ROBO1: variants seen among roughly 807,000 people sequenced by gnomAD.
The protein encoded by ROBO1 is roundabout guidance receptor 1.
In ROBO1, 149 loss-of-function variants were observed where a neutral mutation model predicts 195.9. The observed-to-expected ratio is 0.76, with a 90% CI of 0.67 to 0.87. The LOEUF (loss-of-function observed/expected upper bound fraction) is 0.87. ROBO1 is among the 40% of genes least tolerant of loss of function. The pLI is 0.00. For missense variants in ROBO1, 1,933 were observed against 2,068.3 expected, an observed-to-expected ratio of 0.93 and a Z score of 1.27; for synonymous variants, 816 against 733.2, an observed-to-expected ratio of 1.11 and a Z score of -1.82.
At position 78,614,633 on chromosome 3, in the gene ROBO1, T is replaced by C; in HGVS notation, c.4435+15A>G. The stretch of plus-strand genomic sequence containing the variant: ...CGAGATTCATAGACGTTTTCATCCG[T>C]GTCAATGGACTCACCATCTGTGTAG... On this transcript the variant is annotated intron_variant, in intron 28 of 30. Coordinates refer to ENST00000464233, the MANE Select transcript of ROBO1 (RefSeq NM_002941.4). 2 of 1,612,902 alleles carry C rather than the reference T, an allele frequency of 1.2e-6. No individual in the cohort carries two copies. The highest frequency in any genetic ancestry group is 1.3e-5 in the African/African-American group (1 of 74,988).
At chr3:78,945,166 G>C (rs1560030951) in intron 3 of ROBO1, among the ~76,000 whole-genome samples, 1 of 152,168 alleles carries the variant, frequency 6.6e-6, no homozygotes, top group African/African-American at 2.4e-5. Context: ...GCTTTGAAGA[G>C]AGTAGTGGTT....
chr3:79,593,586 T>C (rs1177828582), intron 1 of ROBO1, among the ~76,000 whole-genome samples: 3 of 150,240 alleles, frequency 2.0e-5, no homozygotes, highest in East Asian at 1.9e-4. Context: ...TTTTTTCTCA[T>C]TGTTGAGTTT....
intron 1 of ROBO1, among the ~76,000 whole-genome samples, chr3:79,636,805 AC>A: frequency 6.6e-6 from 1 of 152,210 alleles, no homozygotes; most frequent in East Asian, 1.9e-4. Flanking sequence ...TACTGAAATG[AC>A]TTTTATGCAA....
intron 4 of ROBO1, among the ~76,000 whole-genome samples, chr3:78,863,827 C>G (rs2034999231): frequency 6.6e-6 from 1 of 152,282 alleles, no homozygotes; most frequent in East Asian, 1.9e-4. Flanking sequence ...AGAGTCCCTC[C>G]ACCGTCAAAA....
At chr3:79,232,554 T>A (rs1157066147) in intron 2 of ROBO1, among the ~76,000 whole-genome samples, 1 of 151,508 alleles carries the variant, frequency 6.6e-6, no homozygotes, top group Admixed American at 6.6e-5. Context: ...TAGGGCAAGA[T>A]TAAAGGAAAA....
chr3:79,391,887 T>C (rs1489334166), intron 2 of ROBO1, among the ~76,000 whole-genome samples: 3 of 152,212 alleles, frequency 2.0e-5, no homozygotes, highest in Admixed American at 1.3e-4. Context: ...AAATGAACTA[T>C]AGTTCCCAAA....
intron 2 of ROBO1, among the ~76,000 whole-genome samples, chr3:79,214,735 T>C (rs1368741729): frequency 6.8e-6 from 1 of 147,108 alleles, no homozygotes; most frequent in Admixed American, 6.8e-5. Flanking sequence ...ATATTTGCTA[T>C]ATATATATAT....
At chr3:78,656,886 C>T (rs1707060756) in intron 18 of ROBO1, among the ~76,000 whole-genome samples, 1 of 152,176 alleles carries the variant, frequency 6.6e-6, no homozygotes. Flanking sequence ...CATATATCTA[C>T]ATCTAGTCTG....
chr3:79,331,174 T>A (rs998997153), intron 2 of ROBO1, among the ~76,000 whole-genome samples: 4 of 152,238 alleles, frequency 2.6e-5, no homozygotes, highest in Non-Finnish European at 5.9e-5. Flanking sequence ...AGAAAATGAA[T>A]GCTTCAGCAT....
At chr3:79,642,908 C>T (rs1021664583) in intron 1 of ROBO1, among the ~76,000 whole-genome samples, 2 of 152,104 alleles carry the variant, frequency 1.3e-5, no homozygotes, top group Non-Finnish European at 2.9e-5. Context: ...ACTCATAACT[C>T]GTGAAGCCTG....
In ROBO1 at chr3:79,449,135, G is replaced by C. The variant is rs558938721; in HGVS notation, c.88+140689C>G. On this transcript the variant is annotated intron_variant, in intron 2 of 30. Coordinates refer to ENST00000464233, the MANE Select transcript of ROBO1 (RefSeq NM_002941.4). ...AATCCCAGATACTCAGGAAGATGAA[G>C]TGGGAGGCTTGCTTGAAGCCAAGGT... 1.1e-3 allele frequency among the ~76,000 whole-genome samples: 166 copies of C among 152,198 alleles called. 1 individual carries two copies. The highest frequency in any genetic ancestry group is 2.9e-3 in the South Asian group (14 of 4,820).
chr3:79,170,239 T>C (rs1343061366), intron 2 of ROBO1, among the ~76,000 whole-genome samples: 1 of 152,140 alleles, frequency 6.6e-6, no homozygotes, highest in East Asian at 1.9e-4. Flanking sequence ...TACTAATTAC[T>C]GATGAAATCA....
intron 2 of ROBO1, among the ~76,000 whole-genome samples, chr3:79,522,578 T>G (rs1369189939): frequency 6.6e-6 from 1 of 152,132 alleles, no homozygotes; most frequent in Non-Finnish European, 1.5e-5. Flanking sequence ...AGGAACCTCA[T>G]TTCATTACTT....
chr3:78,895,905 A>C lies in ROBO1; in HGVS notation c.499+42696T>G, dbSNP rs1219499520. Among the ~76,000 whole-genome samples the C allele has an allele frequency of 7.9e-5, 12 of 152,346 alleles. No homozygotes were observed. The South Asian group carries it at 2.5e-3, about 32-fold the overall frequency. On this transcript the variant is annotated intron_variant, in intron 4 of 30. Transcript: ENST00000464233. ...GACTCTCCTAGAAAATAAGAATTATACTTTTGTTGTACACTTAGAAGCAAT... is the reference window on the plus strand; with the variant it reads ...GACTCTCCTAGAAAATAAGAATTATCCTTTTGTTGTACACTTAGAAGCAAT...
intron 5 of ROBO1, among the ~76,000 whole-genome samples, chr3:78,736,569 G>A (rs2082397427): frequency 6.6e-6 from 1 of 152,142 alleles, no homozygotes; most frequent in Admixed American, 6.6e-5. Context: ...CACATGCCAA[G>A]ACTCTCATAT....
chr3:79,765,015 T>C (rs544845950), intron 1 of ROBO1, among the ~76,000 whole-genome samples: 3 of 152,142 alleles, frequency 2.0e-5, no homozygotes, highest in Non-Finnish European at 2.9e-5. Context: ...GCCCAGAAGA[T>C]GGTAACACTG....
chr3:79,646,639 C>T (rs890349282), intron 1 of ROBO1, among the ~76,000 whole-genome samples: 65 of 152,028 alleles, frequency 4.3e-4, no homozygotes, highest in Middle Eastern at 3.4e-3. Flanking sequence ...TCATAATAGC[C>T]AAAATATGGA....
intron 2 of ROBO1, among the ~76,000 whole-genome samples, chr3:79,326,500 G>A (rs2034219465): frequency 6.6e-6 from 1 of 152,134 alleles, no homozygotes; most frequent in South Asian, 2.1e-4. Flanking sequence ...GACTATCAGG[G>A]CAGGTTCCCC....
chr3:78,778,258 G>A (rs749549240), intron 4 of ROBO1, among the ~76,000 whole-genome samples: 1 of 152,068 alleles, frequency 6.6e-6, no homozygotes, highest in Non-Finnish European at 1.5e-5. Context: ...GAGGATTTTC[G>A]CATCGATGTT....
Sources: gnomAD v4.1 joint callset for allele counts (sites outside exome capture counted in the v4.1 genomes callset) on GRCh38, gnomAD v4.1.1 for gene constraint, MANE v1.5 for transcripts, NCBI Gene and HGNC (gene_info 2026-07-23, HGNC 2026-07-21) for gene names.